GRB2: variants seen among roughly 807,000 people sequenced by gnomAD.
The protein encoded by GRB2 is growth factor receptor bound protein 2, also known as growth factor receptor-bound protein 2.
In GRB2, 2 loss-of-function variants were observed where a neutral mutation model predicts 27.4. The observed-to-expected ratio is 0.07, with a 90% CI of 0.03 to 0.23. GRB2 has a LOEUF of 0.23. Ranked by LOEUF, GRB2 falls within the 10% of genes least tolerant of loss-of-function variation. The pLI is 1.00. For synonymous variants in GRB2, 94 were observed against 99.6 expected, an observed-to-expected ratio of 0.94 and a Z score of 0.33; for missense variants, 102 against 282.4, an observed-to-expected ratio of 0.36 and a Z score of 4.58.
chr17:75,393,685 C>A lies in GRB2; in HGVS notation c.-57G>T, dbSNP rs2145872919. On this transcript the variant is annotated 5_prime_UTR_variant, in exon 2 of 6. Coordinates refer to ENST00000316804, the MANE Select transcript of GRB2 (RefSeq NM_002086.5). The stretch of plus-strand genomic sequence containing the variant: ...AGCAGGGGGAAGGGAGTCTTCCCTG[C>A]TGAAGCAACCCAGCGCTCTGGGCTT... 1.4e-6 allele frequency: 2 copies of A among 1,380,612 alleles called. No individual in the cohort carries two copies. The highest frequency in any genetic ancestry group is 2.3e-5 in the South Asian group (2 of 86,350). 85.5% of individuals were successfully genotyped at this position (1,380,612 alleles called of 1,614,324 possible). A position where few individuals can be genotyped will look rare whatever the true frequency, so the allele number is the denominator to read the frequency against.
chr17:75,361,593 A>ATATGG (rs2078782047), intron 2 of GRB2, among the ~76,000 whole-genome samples: 2 of 152,172 alleles, frequency 1.3e-5, no homozygotes, highest in African/African-American at 4.8e-5. Flanking sequence ...AAAATACCAA[A>ATATGG]TATGGTATGA....
chr17:75,361,455 C>T (rs1408886454), intron 2 of GRB2, among the ~76,000 whole-genome samples: 1 of 152,164 alleles, frequency 6.6e-6, no homozygotes. Context: ...AAACACTTGA[C>T]TCCTAAAAAT....
rs1245281557 is a variant in GRB2, at chr17:75,332,785, C to T, written c.91G>A (p.Glu31Lys). 4 of 1,603,048 alleles carry T rather than the reference C, an allele frequency of 2.5e-6. No individual in the cohort carries two copies. The highest frequency in any genetic ancestry group is 1.3e-5 in the African/African-American group (1 of 74,522). The change falls in exon 3 of 6, where the codon GAA (glutamate) becomes AAA (lysine). Residue 31 changes from glutamate (E) to lysine (K), a missense_variant. Physicochemically the swap from Glu to Lys is moderately conservative, Grantham distance 56. Around this residue, in one of 3 missense-constraint regions of GRB2, gnomAD observed 45 missense variants for 110.6 expected, o/e 0.41. Transcript: ENST00000316804. The stretch of plus-strand genomic sequence containing the variant: ...GCCTTGTACCAGTTCTGATCACATT[C>T]TTCGTTCAAAACCTGAAAAGAAATA... ...RGDILKVLNEECDQNWYKAEL... is the reference protein window; with the variant it reads ...RGDILKVLNEKCDQNWYKAEL...
At chr17:75,339,713 GCCT>G (rs1178695002) in intron 2 of GRB2, among the ~76,000 whole-genome samples, 2 of 149,292 alleles carry the variant, frequency 1.3e-5, no homozygotes, top group Non-Finnish European at 3.0e-5. Flanking sequence ...TGCCACCTCT[GCCT>G]CCTGGGTTCA....
intron 2 of GRB2, among the ~76,000 whole-genome samples, chr17:75,355,756 A>C (rs960239206): frequency 6.6e-6 from 1 of 151,008 alleles, no homozygotes; most frequent in Non-Finnish European, 1.5e-5. Flanking sequence ...GCTCTGTCAC[A>C]TATCTATCCA....
chr17:75,395,268 A>G (rs2079022661), intron 1 of GRB2, among the ~76,000 whole-genome samples: 1 of 152,140 alleles, frequency 6.6e-6, no homozygotes, highest in African/African-American at 2.4e-5. Flanking sequence ...AAAGCCAAAC[A>G]TTCTGCTGCA....
At chr17:75,378,558 G>A (rs954972843) in intron 2 of GRB2, among the ~76,000 whole-genome samples, 4 of 152,066 alleles carry the variant, frequency 2.6e-5, no homozygotes, top group Non-Finnish European at 4.4e-5. Flanking sequence ...ACACATGAAC[G>A]TACAACACTA....
At chr17:75,399,519 C>G (rs999402088) in intron 1 of GRB2, among the ~76,000 whole-genome samples, 2 of 151,876 alleles carry the variant, frequency 1.3e-5, no homozygotes, top group African/African-American at 4.8e-5. Context: ...ATGCCCCCAC[C>G]ACCACGACTG....
At position 75,321,169 on chromosome 17, in the gene GRB2, CTTTTTTTTTTTT is replaced by C. The variant is rs61287852; in HGVS notation, c.468+478_468+489del. On this transcript the variant is annotated intron_variant, in intron 5 of 5. Transcript: ENST00000316804. ...AAACCTTGTATTTGAAACAACAAATCTTTTTTTTTTTTTTTTTTTTTTTTTGAAATGAAGTCT... is the reference window on the plus strand; with the variant it reads ...AAACCTTGTATTTGAAACAACAAATCTTTTTTTTTTTTTGAAATGAAGTCT... Among the ~76,000 whole-genome samples the C allele has an allele frequency of 3.5e-4, 42 of 120,052 alleles. 1 individual carries two copies. Among genetic ancestry groups the C allele is most frequent in the Admixed American group, 3.3e-4 (4 of 12,078 alleles). 78.8% of individuals were successfully genotyped at this position (120,052 alleles called of 152,430 possible). A position where few individuals can be genotyped will look rare whatever the true frequency, so the allele number is the denominator to read the frequency against.
intron 2 of GRB2, among the ~76,000 whole-genome samples, chr17:75,362,867 C>G (rs2078793675): frequency 6.6e-6 from 1 of 152,176 alleles, no homozygotes; most frequent in African/African-American, 2.4e-5. Context: ...CAAATACTGA[C>G]AGCCAAATAA....
Position 75,350,727 on chromosome 17 carries a change from C to T in GRB2, c.79-17930G>A, listed in dbSNP as rs373032543. 5.3e-5 allele frequency among the ~76,000 whole-genome samples: 8 copies of T among 152,258 alleles called. No homozygotes were observed. The East Asian group carries it at 1.5e-3, about 29-fold the overall frequency. The stretch of plus-strand genomic sequence containing the variant: ...CAGGATGGTCTCGATCTCCTGACCT[C>T]GTGATCCGCCCACCTTGGCCTCCCA... On this transcript the variant is annotated intron_variant, in intron 2 of 5. Coordinates refer to ENST00000316804, the MANE Select transcript of GRB2 (RefSeq NM_002086.5).
At chr17:75,330,990 C>T (rs2078537224) in intron 3 of GRB2, among the ~76,000 whole-genome samples, 1 of 151,952 alleles carries the variant, frequency 6.6e-6, no homozygotes, top group Admixed American at 6.6e-5. Flanking sequence ...TCCTCCATAA[C>T]CCCTGCTCCC....
intron 2 of GRB2, among the ~76,000 whole-genome samples, chr17:75,337,907 T>TACTACTGC (rs2078591251): frequency 9.3e-6 from 1 of 107,220 alleles, no homozygotes; most frequent in African/African-American, 3.4e-5. Flanking sequence ...ACTACTATTA[T>TACTACTGC]TATTATTATT....
chr17:75,363,914 AG>A (rs2078803137), intron 2 of GRB2, among the ~76,000 whole-genome samples: 1 of 147,982 alleles, frequency 6.8e-6, no homozygotes, highest in African/African-American at 2.5e-5. Flanking sequence ...GCATTCCTCA[AG>A]GTTTGCTTTT....
At chr17:75,356,997 A>G (rs182252876) in intron 2 of GRB2, among the ~76,000 whole-genome samples, 139 of 152,256 alleles carry the variant, frequency 9.1e-4, no homozygotes, top group African/African-American at 3.2e-3. Flanking sequence ...AATGGCTTTT[A>G]TAACATCCCC....
chr17:75,358,700 T>TAAAAA (rs71159497), intron 2 of GRB2, among the ~76,000 whole-genome samples: 4 of 66,296 alleles, frequency 6.0e-5, no homozygotes, highest in African/African-American at 1.3e-4. Flanking sequence ...CCATCTCTAC[T>TAAAAA]AAAAAAAAAA....
intron 5 of GRB2, 85 bp downstream of exon 5, chr17:75,321,574 G>T: frequency 7.8e-7 from 1 of 1,281,220 alleles, no homozygotes. Flanking sequence ...GCATGTTGAG[G>T]GGCGCCTCCC....
intron 2 of GRB2, among the ~76,000 whole-genome samples, chr17:75,334,329 C>T (rs182397726): frequency 1.4e-4 from 21 of 152,148 alleles, no homozygotes; most frequent in African/African-American, 5.1e-4. Flanking sequence ...TGCCACCACG[C>T]CCGGCTAATT....
intron 2 of GRB2, among the ~76,000 whole-genome samples, chr17:75,352,492 T>A (rs762301199): frequency 1.3e-5 from 2 of 152,182 alleles, no homozygotes; most frequent in Non-Finnish European, 2.9e-5. Flanking sequence ...GAAATGTGTG[T>A]ACAATCCCAT....
Sources: allele counts gnomAD v4.1 joint callset (sites outside exome capture counted in the v4.1 genomes callset), GRCh38; gene constraint gnomAD v4.1.1; regional missense constraint gnomAD v4.1.1; transcripts MANE v1.5; gene names NCBI Gene and HGNC (gene_info 2026-07-23, HGNC 2026-07-21).